Variants in RABGAP1 observed in about 807,000 individuals in gnomAD.
RABGAP1 encodes the protein rab GTPase-activating protein 1.
RABGAP1 carries 23 observed loss-of-function variants against 137.6 expected under a neutral mutation model. The ratio of observed to expected loss-of-function variants is 0.17; its 90% CI spans 0.12 to 0.24. RABGAP1 has a LOEUF of 0.24. Ranked by LOEUF, RABGAP1 falls within the 10% of genes least tolerant of loss-of-function variation. The pLI is 1.00. For missense variants in RABGAP1, 906 were observed against 1,275.8 expected, an observed-to-expected ratio of 0.71 and a Z score of 4.42; for synonymous variants, 451 against 450.7, an observed-to-expected ratio of 1.00 and a Z score of -0.01.
chr9:123,015,997 GA>G (rs1033701914), intron 12 of RABGAP1, among the ~76,000 whole-genome samples: 7 of 152,152 alleles, frequency 4.6e-5, no homozygotes, highest in Non-Finnish European at 2.9e-5. Context: ...AGCCATGGTA[GA>G]GACCCCAGGT....
At chr9:123,016,559 G>C (rs939511878) in intron 12 of RABGAP1, among the ~76,000 whole-genome samples, 4 of 58,178 alleles carry the variant, frequency 6.9e-5, no homozygotes, top group African/African-American at 1.6e-4. Context: ...TTGCCTTTAG[G>C]TATTTAACAT....
At chr9:122,995,918 T>C (rs931131991) in intron 6 of RABGAP1, 123 bp from the exon 7 acceptor site, 1 of 1,440,808 alleles carries the variant, frequency 6.9e-7, no homozygotes, top group Admixed American at 2.9e-5. Flanking sequence ...TTTTCTTTTT[T>C]GTTATTATTT....
intron 21 of RABGAP1, among the ~76,000 whole-genome samples, chr9:123,091,954 A>C (rs1331255261): frequency 6.6e-6 from 1 of 152,130 alleles, no homozygotes; most frequent in Non-Finnish European, 1.5e-5. Context: ...GCAGGTGTAC[A>C]TGGAGCAGGG....
At chr9:122,939,218 T>A (rs1357056777), upstream of RABGAP1, 2 of 152,032 alleles carry the variant, frequency 1.3e-5, no homozygotes, top group African/African-American at 4.8e-5. Flanking sequence ...AAGGTAGATA[T>A]TTTTAATTGA....
intron 1 of RABGAP1, among the ~76,000 whole-genome samples, chr9:122,945,147 C>CTTGTTTTTTTTTTTTTTTTTTTTTTTTT (rs1833872459): frequency 1.3e-5 from 1 of 75,772 alleles, no homozygotes; most frequent in Non-Finnish European, 2.9e-5. Flanking sequence ...ATAGCTGTTG[C>CTTGTTTTTTTTTTTTTTTTTTTTTTTTT]TTTTTTTTTT....
chr9:122,959,728 C>T (rs1436895359), intron 2 of RABGAP1, among the ~76,000 whole-genome samples: 1 of 152,154 alleles, frequency 6.6e-6, no homozygotes, highest in Non-Finnish European at 1.5e-5. Flanking sequence ...TGTCCCCCAT[C>T]AGCTCCCATT....
Position 123,064,999 on chromosome 9 carries a change from C to A in RABGAP1, c.1795-349C>A, listed in dbSNP as rs76018376. On this transcript the variant is annotated intron_variant, in intron 13 of 25. Coordinates refer to ENST00000373647, the MANE Select transcript of RABGAP1 (RefSeq NM_012197.4). ...TCTACTGGGAGCACTTTACCTCCTC[C>A]TTTTGCGATTAGTTTGAGTATTTTC... Among the ~76,000 whole-genome samples, 341 of 152,298 alleles carry A rather than the reference C, an allele frequency of 2.2e-3. 1 individual carries two copies. The highest frequency in any genetic ancestry group is 0.017 in the Middle Eastern group (5 of 294).
At chr9:123,082,276 C>T (rs928052573) in intron 19 of RABGAP1, among the ~76,000 whole-genome samples, 7 of 152,148 alleles carry the variant, frequency 4.6e-5, no homozygotes, top group Non-Finnish European at 8.8e-5. Context: ...CCTTAGAACT[C>T]ATTTAGCTAT....
At chr9:123,022,554 C>T (rs759565159) in intron 13 of RABGAP1, among the ~76,000 whole-genome samples, 1 of 151,458 alleles carries the variant, frequency 6.6e-6, no homozygotes, top group Non-Finnish European at 1.5e-5. Context: ...TTACAGGCAC[C>T]TGCCACCACT....
chr9:123,020,549 T>C (rs2031560872), intron 13 of RABGAP1, 90 bp downstream of exon 13: 1 of 1,224,006 alleles, frequency 8.2e-7, no homozygotes, highest in Non-Finnish European at 1.1e-6. Flanking sequence ...ATAAGAAGTG[T>C]TTATTATTAA....
chr9:122,974,186 T>C (rs1265493988), intron 2 of RABGAP1, among the ~76,000 whole-genome samples: 2 of 151,992 alleles, frequency 1.3e-5, no homozygotes, highest in Non-Finnish European at 2.9e-5. Context: ...TACTAGAATC[T>C]AGGTATGAGC....
intron 2 of RABGAP1, among the ~76,000 whole-genome samples, chr9:122,982,098 T>A (rs1836099153): frequency 6.6e-6 from 1 of 152,116 alleles, no homozygotes; most frequent in African/African-American, 2.4e-5. Context: ...GGTAGTAATT[T>A]GGAATTGGAT....
chr9:123,001,051 T>A (rs1440705393), intron 10 of RABGAP1, among the ~76,000 whole-genome samples: 1 of 152,116 alleles, frequency 6.6e-6, no homozygotes, highest in Admixed American at 6.5e-5. Flanking sequence ...GGTTTCACTA[T>A]GTTGGCCAGG....
intron 13 of RABGAP1, among the ~76,000 whole-genome samples, chr9:123,058,073 G>GGGGGAGGAGGGAGA (rs2033817889): frequency 6.4e-5 from 3 of 47,232 alleles, no homozygotes; most frequent in African/African-American, 2.1e-4. Context: ...AGAGGGGGAG[G>GGGGGAGGAGGGAGA]AGGGAGAGGG....
intron 3 of RABGAP1, among the ~76,000 whole-genome samples, 157 bp downstream of exon 3, chr9:122,984,876 A>G (rs1836284860): frequency 6.6e-6 from 1 of 152,170 alleles, no homozygotes; most frequent in Admixed American, 6.6e-5. Context: ...ATCTAAGGGG[A>G]TGTGAGAGGA....
intron 2 of RABGAP1, among the ~76,000 whole-genome samples, chr9:122,964,952 T>C (rs190087548): frequency 1.3e-5 from 2 of 152,200 alleles, no homozygotes; most frequent in Admixed American, 1.3e-4. Context: ...GTTGTGATCA[T>C]AACCACTGCA....
In RABGAP1 at chr9:123,043,663, CAG is replaced by C. The variant is rs2033061985; in HGVS notation, c.1795-21682_1795-21681del. Among the ~76,000 whole-genome samples the C allele has an allele frequency of 2.0e-5, 3 of 151,812 alleles. No homozygotes were observed. The South Asian group carries it at 6.2e-4, about 32-fold the overall frequency. ...GTGAGGGGAAGGAGGGTGGGTGTAA[CAG>C]AGCTACAGTAGCATCTTCCATAGTG... is the stretch of plus-strand genomic sequence containing the variant. On this transcript the variant is annotated intron_variant, in intron 13 of 25. Coordinates refer to ENST00000373647, the MANE Select transcript of RABGAP1 (RefSeq NM_012197.4).
rs147202329 is a variant in RABGAP1 at position 122,984,629 on chromosome 9, C to G, written c.295C>G (p.Gln99Glu). Residue 99 changes from glutamine to glutamate, a missense_variant, in exon 3 of 26, where the codon CAG becomes GAG. This residue lies in a region of RABGAP1 where 331 missense variants were observed against 358.3 expected (regional missense o/e 0.92). Transcript: ENST00000373647. The part of the protein sequence containing the change: ...DGEGDGPLSN[Q>E]LSASSTINPV... ...TGAAGGAGATGGGCCTCTTTCTAAT[C>G]AGCTCTCCGCTTCATCCACCATTAA... 9.3e-5 allele frequency: 150 copies of G among 1,614,178 alleles called. No individual in the cohort carries two copies. In the African/African-American group the frequency reaches 1.9e-3, roughly 20 times the overall value.
At chr9:122,941,143 C>T (rs925045476) in intron 1 of RABGAP1, 50 bp downstream of exon 1, 1 of 152,362 alleles carries the variant, frequency 6.6e-6, no homozygotes, top group Non-Finnish European at 1.5e-5. Flanking sequence ...ACCTACCAAC[C>T]CCAGGGGTAT....
Sources: gnomAD v4.1 joint callset for allele counts (sites outside exome capture counted in the v4.1 genomes callset) on GRCh38, gnomAD v4.1.1 for gene constraint, gnomAD v4.1.1 regional missense constraint, MANE v1.5 for transcripts, NCBI Gene and HGNC (gene_info 2026-07-23, HGNC 2026-07-21) for gene names.